Variants in ZNF605 observed in about 807,000 individuals in gnomAD.
ZNF605 encodes the protein zinc finger protein 605.
ZNF605 carries 9 observed loss-of-function variants against 7.9 expected under a neutral mutation model. The ratio of observed to expected loss-of-function variants is 1.14; its 90% CI spans 0.68 to 1.98. The LOEUF (loss-of-function observed/expected upper bound fraction) is 1.98, where lower values mean the gene tolerates loss of function less well. Among genes scored for constraint, ZNF605 ranks in the 30% most tolerant of loss-of-function variants. ZNF605 has a pLI of 0.00. For synonymous variants in ZNF605, 255 were observed against 260.1 expected, an observed-to-expected ratio of 0.98 and a Z score of 0.19; for missense variants, 673 against 762.4, an observed-to-expected ratio of 0.88 and a Z score of 1.38.
chr12:132,930,840 CT>C (rs1952301069), intron 4 of ZNF605, among the ~76,000 whole-genome samples: 1 of 152,180 alleles, frequency 6.6e-6, no homozygotes, highest in African/African-American at 2.4e-5. Context: ...GCCCAGACAT[CT>C]GTAACCCGAA....
In ZNF605 at chr12:132,927,105, C is replaced by G. The variant is rs983615151; in HGVS notation, c.194G>C (p.Ser65Thr). 3 of 1,589,166 alleles carry G rather than the reference C, an allele frequency of 1.9e-6. No homozygotes were observed. Among genetic ancestry groups the G allele is most frequent in the Non-Finnish European group, 2.5e-6 (3 of 1,176,758 alleles). Residue 65 changes from serine to threonine, a missense_variant, in exon 5 of 5, where the codon AGT (serine) becomes ACT (threonine). Transcript: ENST00000360187. ...WLRDNQDNLK[S>T]MERGHKYDVF... ...ATCATATTTATGGCCTCTCTCCATA[C>G]TTTTAAGGTTGTCTTGATTATCTCG...
chr12:132,937,734 A>G (rs1204380056), intron 3 of ZNF605, among the ~76,000 whole-genome samples: 1 of 152,236 alleles, frequency 6.6e-6, no homozygotes, highest in Non-Finnish European at 1.5e-5. Flanking sequence ...TCACCTGAAA[A>G]TTTATATTCA....
At position 132,926,107 on chromosome 12, in the gene ZNF605, A is replaced by G. The variant is rs1259706935; in HGVS notation, c.1192T>C (p.Cys398Arg). ...GACTTCTTAAAGAAGGCCTCCTCAC[A>G]ATCACTGCATCGATAGTTCTTCTCT... ...TGEKNYRCSD[C>R]EEAFFKKSEL... Residue 398 changes from cysteine (C) to arginine (R), a missense_variant, in exon 5 of 5, where the codon TGT (cysteine) becomes CGT (arginine). Coordinates refer to ENST00000360187, the MANE Select transcript of ZNF605 (RefSeq NM_183238.4). 5 of 1,614,106 alleles carry G rather than the reference A, an allele frequency of 3.1e-6. No individual in the cohort carries two copies. The highest frequency in any genetic ancestry group is 4.2e-6 in the Non-Finnish European group (5 of 1,180,052).
intron 3 of ZNF605, among the ~76,000 whole-genome samples, chr12:132,936,554 A>C (rs990784498): frequency 6.6e-6 from 1 of 152,242 alleles, no homozygotes; most frequent in Non-Finnish European, 1.5e-5. Context: ...AGTTAATGGA[A>C]CAGAACACAG....
Position 132,919,901 on chromosome 12 carries a change from G to A in ZNF605, c.*5472C>T, listed in dbSNP as rs971374053. On this transcript the variant is annotated 3_prime_UTR_variant, in exon 5 of 5. Transcript: ENST00000360187. ...CTGTCACCCAGGCTGGAGTGCAGTG[G>A]TGTGATCTCAGCTCACTGCAACATC... 5.3e-5 allele frequency: 8 copies of A among 152,042 alleles called. No individual in the cohort carries two copies. The highest frequency in any genetic ancestry group is 1.9e-4 in the African/African-American group (8 of 41,268). 9.4% of individuals were successfully genotyped at this position (152,042 alleles called of 1,614,324 possible). A position where few individuals can be genotyped will look rare whatever the true frequency, so the allele number is the denominator to read the frequency against.
chr12:132,927,510 C>T (rs1451421794), intron 4 of ZNF605, among the ~76,000 whole-genome samples: 3 of 149,996 alleles, frequency 2.0e-5, no homozygotes, highest in Non-Finnish European at 4.4e-5. Context: ...GGATTACAGG[C>T]ATGTGCCACC....
At position 132,925,327 on chromosome 12, in the gene ZNF605, A is replaced by G. The variant is rs772479858; in HGVS notation, c.*46T>C. The G allele has an allele frequency of 7.2e-6, 10 of 1,391,208 alleles. No individual in the cohort carries two copies. Among genetic ancestry groups the G allele is most frequent in the Admixed American group, 2.2e-5 (1 of 46,342 alleles). The allele number at this position is 1,391,208 out of a possible 1,614,324, so 86.2% of individuals were successfully genotyped here. A position where few individuals can be genotyped will look rare whatever the true frequency, so the allele number is the denominator to read the frequency against. On this transcript the variant is annotated 3_prime_UTR_variant, in exon 5 of 5. Coordinates refer to ENST00000360187, the MANE Select transcript of ZNF605 (RefSeq NM_183238.4). The stretch of plus-strand genomic sequence containing the variant: ...TGCATCCTCAAAAGTGTCAGAAAGT[A>G]TGACACTTGATAGCAACCTTTCTGC...
intron 3 of ZNF605, among the ~76,000 whole-genome samples, chr12:132,934,072 C>T (rs1209066901): frequency 6.6e-6 from 1 of 150,630 alleles, no homozygotes; most frequent in Non-Finnish European, 1.5e-5. Context: ...GCCTGGCCAA[C>T]ATGGTGAAAC....
intron 3 of ZNF605, among the ~76,000 whole-genome samples, chr12:132,944,222 A>AC (rs1263703768): frequency 1.5e-5 from 2 of 132,762 alleles, no homozygotes; most frequent in African/African-American, 6.0e-5. Context: ...TTATTCCTTT[A>AC]CTTTTTTTTT....
intron 4 of ZNF605, among the ~76,000 whole-genome samples, chr12:132,929,135 C>T (rs76568334): frequency 0.16 from 24,798 of 151,900 alleles, 2,086 homozygotes; most frequent in Non-Finnish European, 0.19. Context: ...AGGCTGGCTG[C>T]GGTGACTGAT....
intron 4 of ZNF605, among the ~76,000 whole-genome samples, chr12:132,932,534 T>C (rs1206708577): frequency 3.9e-5 from 6 of 152,154 alleles, no homozygotes; most frequent in Non-Finnish European, 7.3e-5. Flanking sequence ...CACATCCCGA[T>C]GTGGAGACCA....
chr12:132,938,285 C>T (rs1296630249), intron 3 of ZNF605, among the ~76,000 whole-genome samples: 2 of 151,596 alleles, frequency 1.3e-5, no homozygotes, highest in African/African-American at 2.4e-5. Context: ...AGGCCGATCC[C>T]ATTTATTTTT....
chr12:132,941,697 G>A lies in ZNF605; in HGVS notation c.15+3924C>T, dbSNP rs936842225. Reference sequence around the variant, plus strand: ...TCAGGCAAGCGACCTCAGGCCTCACGCAGCCGTTCCCCGCAGGGCACTTCC... The same window carrying A: ...TCAGGCAAGCGACCTCAGGCCTCACACAGCCGTTCCCCGCAGGGCACTTCC... On this transcript the variant is annotated intron_variant, in intron 3 of 4. Coordinates refer to ENST00000360187, the MANE Select transcript of ZNF605 (RefSeq NM_183238.4). This position sits in a 1 kb window ranked among gnomAD's most constrained non-coding sequence, Gnocchi z 5.1. 6.6e-6 allele frequency among the ~76,000 whole-genome samples: 1 copy of A among 152,196 alleles called. No individual in the cohort carries two copies. The highest frequency in any genetic ancestry group is 1.5e-5 in the Non-Finnish European group (1 of 68,030).
rs967117944 is a variant in ZNF605, at chr12:132,919,437, G to A, written c.*5936C>T. ...GTCTCGCTTTGTCGCTCAGGCCAGAGTGAGTGCAGTGGCGCGATCTCAGCT... is the reference window on the plus strand; with the variant it reads ...GTCTCGCTTTGTCGCTCAGGCCAGAATGAGTGCAGTGGCGCGATCTCAGCT... On this transcript the variant is annotated 3_prime_UTR_variant, in exon 5 of 5. Transcript: ENST00000360187. The A allele has an allele frequency of 7.0e-6, 1 of 143,406 alleles. No individual in the cohort carries two copies. Among genetic ancestry groups the A allele is most frequent in the Non-Finnish European group, 1.5e-5 (1 of 66,916 alleles). The allele number at this position is 143,406 out of a possible 1,614,324, so 8.9% of individuals were successfully genotyped here.
At chr12:132,945,290 A>G in intron 3 of ZNF605, 1 of 857,522 alleles carries the variant, frequency 1.2e-6, no homozygotes, top group Non-Finnish European at 1.9e-6. Context: ...TCTATAATCT[A>G]CTTTGTGCTT....
intron 1 of ZNF605, among the ~76,000 whole-genome samples, chr12:132,951,200 TCAGA>T (rs796150629): frequency 0.014 from 1,931 of 142,374 alleles, 45 homozygotes; most frequent in African/African-American, 0.05. Flanking sequence ...GCACACACAC[TCAGA>T]CACACTGATA....
rs1952230952 is a variant in ZNF605, at chr12:132,924,754, TG to T, written c.*618del. Reference sequence around the variant, plus strand: ...TTATACGTATTGTATAGCTTCCAGTTGTTTAAGGCAGGAGAGGAAATCTGAC... The same window carrying T: ...TTATACGTATTGTATAGCTTCCAGTTTTTAAGGCAGGAGAGGAAATCTGAC... On this transcript the variant is annotated 3_prime_UTR_variant, in exon 5 of 5. Transcript: ENST00000360187. 1 of 152,328 alleles carries T rather than the reference TG, an allele frequency of 6.6e-6. No individual in the cohort carries two copies. The highest frequency in any genetic ancestry group is 2.1e-4 in the South Asian group (1 of 4,840). 9.4% of individuals were successfully genotyped at this position (152,328 alleles called of 1,614,324 possible).
intron 1 of ZNF605, among the ~76,000 whole-genome samples, chr12:132,954,253 C>T (rs1311219166): frequency 4.0e-5 from 6 of 148,170 alleles, no homozygotes; most frequent in East Asian, 2.1e-4. Context: ...CCCCAAAGCC[C>T]CACTTAAGAA....
At chr12:132,938,941 C>T (rs1255354980) in intron 3 of ZNF605, among the ~76,000 whole-genome samples, 1 of 151,976 alleles carries the variant, frequency 6.6e-6, no homozygotes, top group Non-Finnish European at 1.5e-5. Context: ...GCAGTGCTGG[C>T]CCACCGGCGC....
Sources: allele counts gnomAD v4.1 joint callset (sites outside exome capture counted in the v4.1 genomes callset), GRCh38; gene constraint gnomAD v4.1.1; non-coding constraint Gnocchi (gnomAD v3.1); transcripts MANE v1.5; gene names NCBI Gene and HGNC (gene_info 2026-07-23, HGNC 2026-07-21).